Variants in CALR observed in about 807,000 individuals in gnomAD.
The protein encoded by CALR is CRP55.
CALR carries 15 observed loss-of-function variants against 51.1 expected under a neutral mutation model. The observed-to-expected ratio is 0.29, with a 90% CI of 0.20 to 0.45. CALR has a LOEUF of 0.45. CALR is among the 20% of genes least tolerant of loss of function. The probability of loss-of-function intolerance (pLI) is 1.00; values close to 1 mark genes in which losing one functional copy is unlikely to be tolerated. For missense variants in CALR, 477 were observed against 530.6 expected, an observed-to-expected ratio of 0.90 and a Z score of 0.99; for synonymous variants, 239 against 205.9, an observed-to-expected ratio of 1.16 and a Z score of -1.38.
At chr19:12,943,101 T>TTG (rs1207747843) in intron 7 of CALR, 1 of 147,754 alleles carries the variant, frequency 6.8e-6, no homozygotes, top group Non-Finnish European at 1.5e-5. Flanking sequence ...TTTTTTTTTT[T>TTG]GGAGATGGAG....
At chr19:12,939,089 G>A in intron 1 of CALR, 45 bp from the exon 2 acceptor site, 1 of 1,126,150 alleles carries the variant, frequency 8.9e-7, no homozygotes, top group Non-Finnish European at 1.3e-6. Context: ...TGTGGGGGGG[G>A]ATTAGCACAG....
Position 12,940,112 on chromosome 19 carries a change from A to G in CALR, c.457A>G (p.Lys153Glu), listed in dbSNP as rs754640343. Residue 153 changes from lysine to glutamate, a missense_variant, in exon 4 of 9, where the codon AAG (lysine) becomes GAG (glutamate). By Grantham distance (56) the Lys-to-Glu change is moderately conservative. Coordinates refer to ENST00000316448, the MANE Select transcript of CALR (RefSeq NM_004343.4). ...TCATGTCATCTTCAACTACAAGGGC[A>G]AGAACGTGCTGATCAACAAGGACAT... is the stretch of plus-strand genomic sequence containing the variant. Reference protein sequence around the residue: ...KVHVIFNYKGKNVLINKDIRC... With the variant: ...KVHVIFNYKGENVLINKDIRC... The G allele has an allele frequency of 6.2e-7, 1 of 1,614,218 alleles. No individual in the cohort carries two copies. Among genetic ancestry groups the G allele is most frequent in the South Asian group, 1.1e-5 (1 of 91,088 alleles).
At position 12,943,662 on chromosome 19, in the gene CALR, C is replaced by T. The variant is rs374418205; in HGVS notation, c.1053+33C>T. 32 of 1,613,850 alleles carry T rather than the reference C, an allele frequency of 2.0e-5. No homozygotes were observed. Among genetic ancestry groups the T allele is most frequent in the Middle Eastern group, 3.3e-4 (2 of 6,080 alleles). On this transcript the variant is annotated intron_variant, in intron 8 of 8. Transcript: ENST00000316448. ...CTGGTCCTGGTCCTGATGTCGGGGGCGGGCAGGGCTGGCAGGGGGCAAGGC... is the reference window on the plus strand; with the variant it reads ...CTGGTCCTGGTCCTGATGTCGGGGGTGGGCAGGGCTGGCAGGGGGCAAGGC...
Position 12,943,881 on chromosome 19 carries a change from G to A in CALR, c.1222G>A (p.Asp408Asn). 1 of 1,592,174 alleles carries A rather than the reference G, an allele frequency of 6.3e-7. No individual in the cohort carries two copies. The highest frequency in any genetic ancestry group is 1.1e-5 in the South Asian group (1 of 87,748). The change falls in exon 9 of 9, where the codon GAT becomes AAT. Residue 408 changes from aspartate to asparagine, a missense_variant. Asp to Asn is a conservative substitution (Grantham distance 23). Coordinates refer to ENST00000316448, the MANE Select transcript of CALR (RefSeq NM_004343.4). The stretch of plus-strand genomic sequence containing the variant: ...GGACAAGGAGGAAGATGAGGAGGAA[G>A]ATGTCCCCGGCCAGGCCAAGGACGA... ...EEDKEEDEEE[D>N]VPGQAKDEL
In CALR at chr19:12,944,224, C is replaced by T. The variant is rs1971596432; in HGVS notation, c.*311C>T. 6.2e-6 allele frequency: 3 copies of T among 486,142 alleles called. No homozygotes were observed. The highest frequency in any genetic ancestry group is 3.7e-6 in the Non-Finnish European group (1 of 267,590). 30.1% of individuals were successfully genotyped at this position (486,142 alleles called of 1,614,324 possible). The stretch of plus-strand genomic sequence containing the variant: ...TCTCATCTCTTAGCTCCCCTCCAAC[C>T]TGGGGGGCAGTGGTGTGGAGAAGCC... On this transcript the variant is annotated 3_prime_UTR_variant, in exon 9 of 9. Transcript: ENST00000316448.
chr19:12,939,176 A>G lies in CALR; in HGVS notation c.134A>G (p.Asp45Gly), dbSNP rs753324324. ...SRWIESKHKS[D>G]FGKFVLSSGK... ...TGGATCGAATCCAAACACAAGTCAG[A>G]TTTTGGCAAATTCGTTCTCAGTTCC... The change falls in exon 2 of 9, where the codon GAT becomes GGT. Residue 45 changes from aspartate to glycine, a missense_variant. Transcript: ENST00000316448. 4 of 1,612,002 alleles carry G rather than the reference A, an allele frequency of 2.5e-6. No homozygotes were observed. The highest frequency in any genetic ancestry group is 3.4e-6 in the Non-Finnish European group (4 of 1,179,154).
chr19:12,941,517 G>C (rs1971546417), intron 7 of CALR, among the ~76,000 whole-genome samples: 1 of 143,438 alleles, frequency 7.0e-6, no homozygotes, highest in Non-Finnish European at 1.5e-5. Flanking sequence ...TGTCGCCCAG[G>C]CTGGAGTGCA....
chr19:12,941,436 C>T (rs557993703), intron 7 of CALR, among the ~76,000 whole-genome samples: 38 of 150,396 alleles, frequency 2.5e-4, no homozygotes, highest in Non-Finnish European at 5.3e-4. Flanking sequence ...GCTGGGATTA[C>T]AGGCATGTGC....
intron 7 of CALR, chr19:12,943,153 T>C: frequency 7.7e-6 from 2 of 259,194 alleles, no homozygotes; most frequent in South Asian, 8.3e-5. Flanking sequence ...GGCACGATCT[T>C]GGCTCACTGC....
At chr19:12,941,557 C>T (rs1429349629) in intron 7 of CALR, among the ~76,000 whole-genome samples, 4 of 151,100 alleles carry the variant, frequency 2.6e-5, no homozygotes, top group East Asian at 1.9e-4. Context: ...CTGCAAGCTC[C>T]GCACGACCCC....
At chr19:12,940,923 A>T (rs1387830224) in intron 7 of CALR, 36 bp downstream of exon 7, 2 of 1,607,534 alleles carry the variant, frequency 1.2e-6, no homozygotes, top group African/African-American at 2.7e-5. Context: ...TCCCTGGGGT[A>T]CCTCAAGTGC....
rs762118641 is a variant in CALR at position 12,938,653 on chromosome 19, C to G, written c.-27C>G. ...TGCCGGAGGGTCGTTTTAAAGGGCC[C>G]GCGCGTTGCCGCCCCCTCGGCCCGC... On this transcript the variant is annotated 5_prime_UTR_variant, in exon 1 of 9. Coordinates refer to ENST00000316448, the MANE Select transcript of CALR (RefSeq NM_004343.4). 15 of 1,579,622 alleles carry G rather than the reference C, an allele frequency of 9.5e-6. No individual in the cohort carries two copies. The highest frequency in any genetic ancestry group is 1.0e-5 in the Non-Finnish European group (12 of 1,158,206).
chr19:12,941,798 G>A (rs571480126), intron 7 of CALR, among the ~76,000 whole-genome samples: 1 of 151,088 alleles, frequency 6.6e-6, no homozygotes, highest in South Asian at 2.1e-4. Flanking sequence ...GTAGAGACAG[G>A]GCTTCATGTT....
intron 7 of CALR, among the ~76,000 whole-genome samples, chr19:12,941,495 C>T (rs1454158856): frequency 2.3e-5 from 3 of 131,546 alleles, no homozygotes; most frequent in East Asian, 4.4e-4. Flanking sequence ...TTTTTGAGAC[C>T]GTGCCTTGCT....
Position 12,943,607 on chromosome 19 carries a change from A to G in CALR, c.1031A>G (p.Asn344Ser), listed in dbSNP as rs755626585. The change falls in exon 8 of 9, where the codon AAC (asparagine) becomes AGC (serine). Residue 344 changes from asparagine to serine, a missense_variant. Transcript: ENST00000316448. ...GAGGCATACGCTGAGGAGTTTGGCA[A>G]CGAGACGTGGGGCGTAACAAAGGTG... is the stretch of plus-strand genomic sequence containing the variant. ...NDEAYAEEFG[N>S]ETWGVTKAAE... The G allele has an allele frequency of 1.4e-5, 23 of 1,613,994 alleles. No individual in the cohort carries two copies. The highest frequency in any genetic ancestry group is 1.6e-4 in the Middle Eastern group (1 of 6,084).
rs1486495406 is a variant in CALR at position 12,940,819 on chromosome 19, G to A, written c.892G>A (p.Glu298Lys). ...TWIHPEIDNP[E>K]YSPDPSIYAY... The stretch of plus-strand genomic sequence containing the variant: ...GATCCACCCAGAAATTGACAACCCC[G>A]AGTATTCTCCCGATCCCAGTATCTA... The change falls in exon 7 of 9, where the codon GAG (glutamate) becomes AAG (lysine). Residue 298 changes from glutamate to lysine, a missense_variant. Glu to Lys is a moderately conservative substitution (Grantham distance 56). Transcript: ENST00000316448. 1.9e-6 allele frequency: 3 copies of A among 1,614,006 alleles called. No individual in the cohort carries two copies. Among genetic ancestry groups the A allele is most frequent in the African/African-American group, 1.3e-5 (1 of 74,912 alleles).
Position 12,938,778 on chromosome 19 carries a change from C to T in CALR, c.91+8C>T. 6.3e-7 allele frequency: 1 copy of T among 1,597,468 alleles called. No individual in the cohort carries two copies. The highest frequency in any genetic ancestry group is 8.5e-7 in the Non-Finnish European group (1 of 1,169,998). ...AGCAGTTTCTGGACGGAGGTAACGC[C>T]TGGTCCCGCCTCGAGGCCGCCCCGA... On this transcript the variant is annotated splice_region_variant and intron_variant, in intron 1 of 8. Coordinates refer to ENST00000316448, the MANE Select transcript of CALR (RefSeq NM_004343.4).
At chr19:12,939,692 C>T (rs1971519396) in intron 3 of CALR, 61 bp downstream of exon 3, 4 of 1,403,408 alleles carry the variant, frequency 2.9e-6, no homozygotes, top group Non-Finnish European at 4.0e-6. Context: ...ACCCAGACCC[C>T]ATTGACTTTC....
intron 2 of CALR, 86 bp downstream of exon 2, chr19:12,939,321 C>T (rs1402420182): frequency 1.4e-6 from 2 of 1,453,506 alleles, no homozygotes; most frequent in Admixed American, 3.7e-5. Context: ...GGACAGTCCC[C>T]TTGGAGGAGG....
Sources: gnomAD v4.1 joint callset for allele counts (sites outside exome capture counted in the v4.1 genomes callset) on GRCh38, gnomAD v4.1.1 for gene constraint, MANE v1.5 for transcripts, NCBI Gene and HGNC (gene_info 2026-07-23, HGNC 2026-07-21) for gene names.